Variants in DEPTOR observed in about 807,000 individuals in gnomAD.
DEPTOR encodes DEP domain containing MTOR interacting protein.
In DEPTOR, 41 loss-of-function variants were observed where a neutral mutation model predicts 41.6. The ratio of observed to expected loss-of-function variants is 0.98; its 90% confidence interval spans 0.77 to 1.28. The LOEUF is 1.28. DEPTOR is among the 50% of genes most tolerant of loss of function. The pLI is 0.00. For synonymous variants in DEPTOR, 195 were observed against 192.3 expected, an observed-to-expected ratio of 1.01 and a Z score of -0.12; for missense variants, 514 against 527.9, an observed-to-expected ratio of 0.97 and a Z score of 0.26.
intron 4 of DEPTOR, among the ~76,000 whole-genome samples, chr8:119,966,197 G>A (rs548120814): frequency 2.6e-5 from 4 of 152,302 alleles, no homozygotes; most frequent in African/African-American, 9.6e-5. Context: ...CGGCACGGTG[G>A]CTCACACTTG....
intron 3 of DEPTOR, among the ~76,000 whole-genome samples, chr8:119,944,862 G>T (rs913359062): frequency 1.3e-5 from 2 of 152,006 alleles, no homozygotes; most frequent in Non-Finnish European, 2.9e-5. Flanking sequence ...AACCATGTTG[G>T]CCAGGATGGT....
chr8:119,948,293 A>AT (rs2129917566), intron 3 of DEPTOR, among the ~76,000 whole-genome samples: 1 of 152,210 alleles, frequency 6.6e-6, no homozygotes, highest in Admixed American at 6.6e-5. Context: ...GGTGCCTGTA[A>AT]TCCCGCTCCT....
intron 3 of DEPTOR, among the ~76,000 whole-genome samples, chr8:119,941,965 A>G (rs1007084137): frequency 1.3e-5 from 2 of 152,202 alleles, no homozygotes; most frequent in Non-Finnish European, 2.9e-5. Flanking sequence ...TGGGGGAAAA[A>G]GTGTCTGTCA....
intron 1 of DEPTOR, among the ~76,000 whole-genome samples, chr8:119,902,493 C>A (rs1827607935): frequency 6.6e-6 from 1 of 152,172 alleles, no homozygotes; most frequent in Non-Finnish European, 1.5e-5. Context: ...GCATGTGCCA[C>A]CACACCTGGC....
chr8:119,970,018 A>C (rs1586637803), intron 4 of DEPTOR, among the ~76,000 whole-genome samples: 1 of 152,170 alleles, frequency 6.6e-6, no homozygotes, highest in East Asian at 1.9e-4. Flanking sequence ...GTGAAATCCT[A>C]ACTAGCTTCA....
chr8:119,997,337 C>T (rs971888101), intron 4 of DEPTOR, among the ~76,000 whole-genome samples: 16 of 152,040 alleles, frequency 1.1e-4, no homozygotes, highest in Admixed American at 2.6e-4. Flanking sequence ...TGGGATCAAG[C>T]GATCCTCCTG....
intron 8 of DEPTOR, among the ~76,000 whole-genome samples, chr8:120,024,828 T>A (rs1812774485): frequency 6.6e-6 from 1 of 152,206 alleles, no homozygotes; most frequent in African/African-American, 2.4e-5. Flanking sequence ...TTTTTGGTAC[T>A]TTGTTACTGT....
intron 3 of DEPTOR, among the ~76,000 whole-genome samples, chr8:119,951,750 C>T (rs1363992842): frequency 6.6e-6 from 1 of 152,154 alleles, no homozygotes; most frequent in Non-Finnish European, 1.5e-5. Flanking sequence ...TCCCTGGGCT[C>T]AGTTTTCTAA....
At position 120,003,027 on chromosome 8, in the gene DEPTOR, A is replaced by G. The variant is rs1040814520; in HGVS notation, c.841A>G (p.Met281Val). The G allele has an allele frequency of 6.2e-7, 1 of 1,608,092 alleles. No individual in the cohort carries two copies. Among genetic ancestry groups the G allele is most frequent in the South Asian group, 1.1e-5 (1 of 90,026 alleles). ...KIVSAVRRSS[M>V]SSCGSSGYFS... is the part of the protein sequence containing the mutation. ...CGTGTCTGCAGTGAGGAGAAGCAGC[A>G]TGAGCAGCTGTGGCAGCAGCGGCTA... Residue 281 changes from methionine to valine, a missense_variant, in exon 6 of 9, where the codon ATG (methionine) becomes GTG (valine). Coordinates refer to ENST00000286234, the MANE Select transcript of DEPTOR (RefSeq NM_022783.4).
At position 120,049,659 on chromosome 8, in the gene DEPTOR, C is replaced by T; in HGVS notation, c.1185C>T (p.Gly395=). The change falls in exon 9 of 9, where the codon GGC becomes GGT. Residue 395 remains glycine (G), a synonymous_variant. Coordinates refer to ENST00000286234, the MANE Select transcript of DEPTOR (RefSeq NM_022783.4). ...CCGTGAGCAATCTGATTCTGACGGGCCCACGGACGATTGTCATGGAAGTCA... is the reference window on the plus strand; with the variant it reads ...CCGTGAGCAATCTGATTCTGACGGGTCCACGGACGATTGTCATGGAAGTCA... ...YRTVSNLILT[G]PRTIVMEVME... is the part of the protein sequence containing the mutation. The T allele has an allele frequency of 6.2e-7, 1 of 1,613,922 alleles. No homozygotes were observed. Among genetic ancestry groups the T allele is most frequent in the Non-Finnish European group, 8.5e-7 (1 of 1,179,876 alleles).
intron 8 of DEPTOR, among the ~76,000 whole-genome samples, chr8:120,027,958 C>A (rs1392756627): frequency 6.6e-6 from 1 of 152,018 alleles, no homozygotes; most frequent in Non-Finnish European, 1.5e-5. Context: ...TTTGGAAACT[C>A]CCAGGCAATT....
chr8:119,937,466 G>C (rs1410709218), intron 3 of DEPTOR, among the ~76,000 whole-genome samples: 2 of 152,136 alleles, frequency 1.3e-5, no homozygotes, highest in Admixed American at 6.5e-5. Flanking sequence ...CTGCCCTAGT[G>C]GTTACATATA....
intron 3 of DEPTOR, among the ~76,000 whole-genome samples, chr8:119,955,387 C>G (rs188234459): frequency 6.6e-5 from 10 of 151,880 alleles, no homozygotes; most frequent in African/African-American, 2.4e-4. Flanking sequence ...TTGCTACTTA[C>G]GTTTTCTTTC....
At chr8:119,882,361 GA>G (rs1827309301) in intron 1 of DEPTOR, among the ~76,000 whole-genome samples, 2 of 151,248 alleles carry the variant, frequency 1.3e-5, no homozygotes, top group African/African-American at 4.8e-5. Flanking sequence ...TTAAATTTTA[GA>G]AAAAAATACA....
intron 4 of DEPTOR, among the ~76,000 whole-genome samples, chr8:119,996,124 G>T (rs752304348): frequency 2.6e-5 from 4 of 152,196 alleles, no homozygotes; most frequent in African/African-American, 4.8e-5. Context: ...CACACAGCTA[G>T]GTGAATAAAC....
chr8:119,983,513 T>C (rs1828793278), intron 4 of DEPTOR, among the ~76,000 whole-genome samples: 1 of 152,164 alleles, frequency 6.6e-6, no homozygotes, highest in South Asian at 2.1e-4. Context: ...GCCTGTTTAG[T>C]AGCTGGGATT....
chr8:119,997,280 G>A (rs1048683572), intron 4 of DEPTOR, among the ~76,000 whole-genome samples: 1 of 152,058 alleles, frequency 6.6e-6, no homozygotes, highest in Non-Finnish European at 1.5e-5. Context: ...TGTTGCCCAG[G>A]CTGGAATGTA....
intron 1 of DEPTOR, among the ~76,000 whole-genome samples, chr8:119,919,445 T>C (rs1312661666): frequency 6.6e-6 from 1 of 152,230 alleles, no homozygotes; most frequent in Non-Finnish European, 1.5e-5. Context: ...TTTATATATA[T>C]TTGAATTATT....
intron 3 of DEPTOR, among the ~76,000 whole-genome samples, chr8:119,954,845 GGT>G (rs10649943): frequency 0.26 from 37,919 of 147,890 alleles, 5,168 homozygotes; most frequent in East Asian, 0.39. Context: ...GGCAAATATT[GGT>G]GTGTGTGTGT....
Sources: gnomAD v4.1 joint callset for allele counts (sites outside exome capture counted in the v4.1 genomes callset) on GRCh38, gnomAD v4.1.1 for gene constraint, MANE v1.5 for transcripts, NCBI Gene and HGNC (gene_info 2026-07-23, HGNC 2026-07-21) for gene names.